The following AKT1 variants were observed in gnomAD, a reference collection of about 807,000 sequenced individuals.
AKT1 encodes RAC-alpha serine/threonine-protein kinase.
A neutral mutation model predicts 63.1 loss-of-function variants in AKT1; 21 were observed. The observed-to-expected ratio is 0.33, with a 90% CI of 0.24 to 0.48. The LOEUF is 0.48. Among genes scored for constraint, AKT1 ranks in the 20% least tolerant of loss-of-function variants. The pLI, the probability that AKT1 is intolerant of heterozygous loss-of-function variation, is 0.99. For synonymous variants in AKT1, 257 were observed against 253.1 expected (o/e 1.02, Z -0.15); for missense variants, 382 against 666.0 (o/e 0.57, Z 4.69).
chr14:104,775,257 C>T (rs760422762), intron 6 of AKT1, 50 bp from the exon 7 acceptor site: 1 of 1,607,550 alleles, frequency 6.2e-7, no homozygotes, highest in Non-Finnish European at 8.5e-7. Context: ...CAGTGCCCAG[C>T]TGGTCGGCAT....
At position 104,780,141 on chromosome 14, in the gene AKT1, C is replaced by T. The variant is rs766000895; in HGVS notation, c.122G>A (p.Arg41Gln). The part of the protein sequence containing the change: ...NDGTFIGYKE[R>Q]PQDVDQREAP... ...CTCACGTTGGTCCACATCCTGCGGC[C>T]GCTCCTTGTAGCCAATGAAGGTGCC... The change falls in exon 4 of 15, where the codon CGG (arginine) becomes CAG (glutamine). Residue 41 changes from arginine to glutamine, a missense_variant. Around this residue, in one of 3 missense-constraint regions of AKT1, gnomAD observed 226 missense variants for 366.4 expected, o/e 0.62. Coordinates refer to ENST00000649815, the MANE Select transcript of AKT1 (RefSeq NM_001382430.1). The T allele has an allele frequency of 5.0e-6, 8 of 1,613,530 alleles. No individual in the cohort carries two copies. The highest frequency in any genetic ancestry group is 4.0e-5 in the African/African-American group (3 of 74,928).
chr14:104,774,828 G>T, intron 8 of AKT1, 110 bp downstream of exon 8: 2 of 1,219,002 alleles, frequency 1.6e-6, no homozygotes, highest in Non-Finnish European at 2.3e-6. Context: ...GGAGTCCACG[G>T]TGTGTAAAGC....
chr14:104,781,558 CCAAGGCTCGACACATGGCCA>C (rs1054908500), intron 3 of AKT1, among the ~76,000 whole-genome samples: 4 of 151,818 alleles, frequency 2.6e-5, no homozygotes, highest in African/African-American at 9.7e-5. Context: ...AGGTGAGCCA[CCAAGGCTCGACACATGGCCA>C]CCCCCCGGCC....
intron 8 of AKT1, chr14:104,774,242 T>G: frequency 9.8e-6 from 5 of 508,140 alleles, no homozygotes; most frequent in Admixed American, 3.1e-5. Flanking sequence ...CACACCACAC[T>G]GCCCCACACC....
chr14:104,781,530 G>A (rs539734784), intron 3 of AKT1, among the ~76,000 whole-genome samples: 4 of 152,282 alleles, frequency 2.6e-5, no homozygotes, highest in East Asian at 3.9e-4. Flanking sequence ...AGGGAGCCAC[G>A]GGGGAGTTCT....
At chr14:104,788,282 G>A (rs1323412595) in intron 3 of AKT1, among the ~76,000 whole-genome samples, 2 of 152,208 alleles carry the variant, frequency 1.3e-5, no homozygotes, top group South Asian at 2.1e-4. Context: ...GCCCTGGCCT[G>A]GAGCCCAAAG....
chr14:104,781,523 G>A (rs892190594), intron 3 of AKT1, among the ~76,000 whole-genome samples: 1 of 152,124 alleles, frequency 6.6e-6, no homozygotes, highest in African/African-American at 2.4e-5. Context: ...ACTTTCCAGG[G>A]AGCCACGGGG....
rs986875998 is a variant in AKT1, at chr14:104,776,735, TGGGCCG to T, written c.205_210del (p.Arg69_Pro70del). 1 of 1,613,284 alleles carries T rather than the reference TGGGCCG, an allele frequency of 6.2e-7. No homozygotes were observed. The highest frequency in any genetic ancestry group is 8.5e-7 in the Non-Finnish European group (1 of 1,179,866). ...TGCAGGCAGCGGATGATGAAGGTGTTGGGCCGGGGCCGCTCCGTCTTCATCAGCTGG... is the reference window on the plus strand; with the variant it reads ...TGCAGGCAGCGGATGATGAAGGTGTTGGGCCGCTCCGTCTTCATCAGCTGG... On this transcript the variant is annotated inframe_deletion, in exon 5 of 15. Transcript: ENST00000649815.
chr14:104,784,776 T>TA (rs1169368434), intron 3 of AKT1, among the ~76,000 whole-genome samples: 1 of 152,110 alleles, frequency 6.6e-6, no homozygotes, highest in Non-Finnish European at 1.5e-5. Context: ...GGCACCCACT[T>TA]AGACATGGGG....
intron 3 of AKT1, among the ~76,000 whole-genome samples, chr14:104,786,779 T>A (rs897281078): frequency 6.6e-6 from 1 of 152,064 alleles, no homozygotes; most frequent in Non-Finnish European, 1.5e-5. Flanking sequence ...CTGACCCCCG[T>A]GGCCTCACCC....
chr14:104,780,997 C>T (rs1893005037), intron 3 of AKT1, among the ~76,000 whole-genome samples: 1 of 152,236 alleles, frequency 6.6e-6, no homozygotes, highest in African/African-American at 2.4e-5. Context: ...CCTGCCGCGT[C>T]CCACCCGTGG....
Position 104,775,534 on chromosome 14 carries a change from G to T in AKT1, c.435+118C>A, listed in dbSNP as rs187369608. On this transcript the variant is annotated intron_variant, in intron 6 of 14. Transcript: ENST00000649815. ...CGCCCTACATGGAAAACCGGCCTAG[G>T]TGGAGATGCCGTGGAGTGCTGAGTG... 6.4e-6 allele frequency: 9 copies of T among 1,404,768 alleles called. No homozygotes were observed. The Admixed American group carries it at 1.6e-4, about 25-fold the overall frequency. The allele number at this position is 1,404,768 out of a possible 1,614,324, so 87.0% of individuals were successfully genotyped here.
intron 4 of AKT1, chr14:104,778,386 C>T (rs1892849241): frequency 6.6e-6 from 1 of 152,338 alleles, no homozygotes. Context: ...TGTCAGGAGA[C>T]AGGGGTGTCT....
intron 12 of AKT1, 44 bp from the exon 13 acceptor site, chr14:104,772,496 C>G (rs1273456992): frequency 6.3e-7 from 1 of 1,587,292 alleles, no homozygotes; most frequent in East Asian, 2.2e-5. Context: ...CCGCCACCTG[C>G]CCAGGCCCTG....
Position 104,770,675 on chromosome 14 carries a change from C to T in AKT1, c.1363+70G>A, listed in dbSNP as rs1263776885. The T allele has an allele frequency of 2.8e-6, 4 of 1,415,198 alleles. No homozygotes were observed. The Admixed American group carries it at 7.1e-5, about 25-fold the overall frequency. The allele number at this position is 1,415,198 out of a possible 1,614,324, so 87.7% of individuals were successfully genotyped here. On this transcript the variant is annotated intron_variant, in intron 14 of 14. Transcript: ENST00000649815. Reference sequence around the variant, plus strand: ...TTTAAAACATCTGAAGCCAAAAAAGCTGAACACTGCAGGCCTCTCTGAGTG... The same window carrying T: ...TTTAAAACATCTGAAGCCAAAAAAGTTGAACACTGCAGGCCTCTCTGAGTG...
In AKT1 at chr14:104,776,019, G is replaced by C. The variant is rs1892683780; in HGVS notation, c.288-220C>G. On this transcript the variant is annotated intron_variant, in intron 5 of 14. Coordinates refer to ENST00000649815, the MANE Select transcript of AKT1 (RefSeq NM_001382430.1). ...ACACCCAGGCTTAGCCCCCCAGCAG[G>C]ACTCTGTCCCCACAACCGGACTCCA... 5.7e-6 allele frequency: 3 copies of C among 526,634 alleles called. No individual in the cohort carries two copies. The South Asian group carries it at 7.2e-5, about 13-fold the overall frequency. The allele number at this position is 526,634 out of a possible 1,614,324, so 32.6% of individuals were successfully genotyped here.
intron 3 of AKT1, among the ~76,000 whole-genome samples, chr14:104,782,753 T>C (rs1341342263): frequency 5.3e-5 from 8 of 152,086 alleles, no homozygotes; most frequent in African/African-American, 1.9e-4. Flanking sequence ...GTGGCCTTTG[T>C]CTTCGGCATC....
In AKT1 at chr14:104,772,855, T is replaced by C. The variant is rs2494732; in HGVS notation, c.1172+23A>G. On this transcript the variant is annotated intron_variant, in intron 12 of 14. Transcript: ENST00000649815. ...GATGAGGGGATGGAGGTGTAGCCTG[T>C]AGCTGGGATGGGCGGCCCTCACCTC... 0.45 allele frequency: 721,176 copies of C among 1,592,622 alleles called. 167,152 individuals carry two copies. The highest frequency in any genetic ancestry group is 0.7 in the East Asian group (31,200 of 44,406).
chr14:104,776,088 CA>C (rs765396228), intron 5 of AKT1: 2 of 337,340 alleles, frequency 5.9e-6, no homozygotes, highest in Non-Finnish European at 1.0e-5. Flanking sequence ...CCGCCCCCCC[CA>C]AGCAGGACTC....
Sources: gnomAD v4.1 joint callset for allele counts (sites outside exome capture counted in the v4.1 genomes callset) on GRCh38, gnomAD v4.1.1 for gene constraint, gnomAD v4.1.1 regional missense constraint, MANE v1.5 for transcripts, NCBI Gene and HGNC (gene_info 2026-07-23, HGNC 2026-07-21) for gene names.